Variants in STAT5B observed in about 807,000 individuals in gnomAD.
STAT5B encodes the protein signal transducer and activator of transcription 5B.
Under a neutral mutation model 107.8 loss-of-function variants are expected in STAT5B, and 21 were observed. The observed-to-expected ratio is 0.19, with a 90% CI of 0.14 to 0.28. The LOEUF (loss-of-function observed/expected upper bound fraction) is 0.28, where lower values mean the gene tolerates loss of function less well. STAT5B is among the 10% of genes least tolerant of loss of function. The probability of loss-of-function intolerance (pLI) is 1.00; values close to 1 mark genes in which losing one functional copy is unlikely to be tolerated. For missense variants in STAT5B, 565 were observed against 1,008.2 expected (o/e 0.56, Z 5.95); for synonymous variants, 325 against 401.7 (o/e 0.81, Z 2.28).
intron 15 of STAT5B, among the ~76,000 whole-genome samples, chr17:42,208,493 AAAATAAAT>A (rs777760506): frequency 1.6e-4 from 24 of 151,686 alleles, no homozygotes; most frequent in African/African-American, 4.6e-4. Flanking sequence ...CCCCATCTCA[AAAATAAAT>A]AAATAAATAA....
upstream of STAT5B, among the ~76,000 whole-genome samples, chr17:42,281,518 C>A (rs993322918): frequency 6.6e-6 from 1 of 152,220 alleles, no homozygotes; most frequent in Non-Finnish European, 1.5e-5. Flanking sequence ...CTGTGCCTGG[C>A]ACTTGATAAA....
chr17:42,280,303 GC>G (rs1303781442), upstream of STAT5B, among the ~76,000 whole-genome samples: 1 of 152,044 alleles, frequency 6.6e-6, no homozygotes, highest in Non-Finnish European at 1.5e-5. Context: ...GTCCATGCAT[GC>G]CCCTGCTCCC....
At chr17:42,227,264 G>A (rs952621651) in intron 3 of STAT5B, among the ~76,000 whole-genome samples, 3 of 151,484 alleles carry the variant, frequency 2.0e-5, no homozygotes, top group Non-Finnish European at 4.4e-5. Flanking sequence ...GAGAGACAGC[G>A]AGGAGTATAT....
chr17:42,204,198 T>A (rs2080068486), intron 16 of STAT5B, among the ~76,000 whole-genome samples: 1 of 152,110 alleles, frequency 6.6e-6, no homozygotes, highest in African/African-American at 2.4e-5. Context: ...TCCCACAGAA[T>A]CCCCACTGGG....
chr17:42,202,313 G>A (rs2080051440), intron 18 of STAT5B, 27 bp downstream of exon 18: 5 of 1,613,518 alleles, frequency 3.1e-6, no homozygotes, highest in East Asian at 2.2e-5. Flanking sequence ...TTCCTCCCCT[G>A]TGGACCCCCA....
intron 1 of STAT5B, among the ~76,000 whole-genome samples, chr17:42,245,615 C>T (rs568668102): frequency 2.6e-5 from 4 of 151,996 alleles, no homozygotes; most frequent in Non-Finnish European, 4.4e-5. Flanking sequence ...CTCCGCCCCC[C>T]AGGTTCAAGC....
Position 42,218,863 on chromosome 17 carries a change from G to A in STAT5B, c.849C>T (p.Ala283=), listed in dbSNP as rs771823136. Residue 283 remains alanine (A), a synonymous_variant, in exon 8 of 19, where the codon GCC becomes GCT. Coordinates refer to ENST00000293328, the MANE Select transcript of STAT5B (RefSeq NM_012448.4). ...DVLQSWCEKL[A]EIIWQNRQQI... ...GCTGCCGGTTCTGCCAGATGATCTC[G>A]GCCAACTTCTCACACCTGCACGAGA... is the stretch of plus-strand genomic sequence containing the variant. 44 of 1,613,720 alleles carry A rather than the reference G, an allele frequency of 2.7e-5. No homozygotes were observed. The highest frequency in any genetic ancestry group is 2.3e-4 in the African/African-American group (17 of 74,982).
intron 1 of STAT5B, among the ~76,000 whole-genome samples, chr17:42,274,281 CAAAAAAAAAAAAAA>C (rs534342062): frequency 8.0e-5 from 5 of 62,530 alleles, no homozygotes; most frequent in African/African-American, 2.6e-4. Flanking sequence ...GTTTGCTTTA[CAAAAAAAAAAAAAA>C]AAAAAAAAAA....
At chr17:42,241,109 C>T (rs550371170) in intron 1 of STAT5B, among the ~76,000 whole-genome samples, 1 of 151,718 alleles carries the variant, frequency 6.6e-6, no homozygotes, top group South Asian at 2.1e-4. Context: ...GAGGCAGAGG[C>T]GGGCAGATCA....
intron 1 of STAT5B, among the ~76,000 whole-genome samples, chr17:42,273,920 A>G (rs768923826): frequency 1.3e-5 from 2 of 152,194 alleles, no homozygotes; most frequent in Non-Finnish European, 2.9e-5. Context: ...TACATATGTA[A>G]ATGACATAAA....
intron 5 of STAT5B, among the ~76,000 whole-genome samples, chr17:42,221,820 G>C (rs2080228507): frequency 6.6e-6 from 1 of 152,190 alleles, no homozygotes; most frequent in African/African-American, 2.4e-5. Flanking sequence ...TTCCAGTGGA[G>C]AAGATAAAGA....
At chr17:42,217,906 A>G in intron 9 of STAT5B, 1 of 566,614 alleles carries the variant, frequency 1.8e-6, no homozygotes, top group Middle Eastern at 5.1e-4. Flanking sequence ...GGGTTTCACC[A>G]TGTTGGCCAG....
At chr17:42,269,014 T>C (rs1326418045) in intron 1 of STAT5B, among the ~76,000 whole-genome samples, 1 of 152,182 alleles carries the variant, frequency 6.6e-6, no homozygotes, top group Non-Finnish European at 1.5e-5. Flanking sequence ...GTTAGATTTT[T>C]TAAAATCCCA....
chr17:42,241,955 T>C (rs139369258), intron 1 of STAT5B, among the ~76,000 whole-genome samples: 9 of 152,146 alleles, frequency 5.9e-5, no homozygotes, highest in African/African-American at 2.2e-4. Context: ...AAAATCACAT[T>C]ATTAAACAGA....
At position 42,245,073 on chromosome 17, in the gene STAT5B, A is replaced by AT. The variant is rs745914040; in HGVS notation, c.-10-12937dup. Among the ~76,000 whole-genome samples, 698 of 105,458 alleles carry AT rather than the reference A, an allele frequency of 6.6e-3. 16 individuals are homozygous for AT. Among genetic ancestry groups the AT allele is most frequent in the African/African-American group, 0.016 (383 of 24,630 alleles). The allele number at this position is 105,458 out of a possible 152,430, so 69.2% of individuals were successfully genotyped here. On this transcript the variant is annotated intron_variant, in intron 1 of 18. Transcript: ENST00000293328. ...GGCATCTGCCACCAATGCCTGGCTA[A>AT]TTTTTTTTTTTTTTTTTTTTTTGAG... is the stretch of plus-strand genomic sequence containing the variant.
chr17:42,221,447 G>T (rs1375645231), intron 5 of STAT5B, among the ~76,000 whole-genome samples: 2 of 152,220 alleles, frequency 1.3e-5, no homozygotes, highest in African/African-American at 4.8e-5. Flanking sequence ...TCAATAGTCT[G>T]TGTTTCTGCT....
intron 1 of STAT5B, among the ~76,000 whole-genome samples, chr17:42,242,958 ATCTCAAGTAC>A (rs1413482709): frequency 1.3e-5 from 2 of 151,004 alleles, no homozygotes; most frequent in Non-Finnish European, 2.9e-5. Flanking sequence ...CCACTCCCTA[ATCTCAAGTAC>A]CCAGGGACAC....
chr17:42,262,986 A>ATATATG (rs2080628149), intron 1 of STAT5B, among the ~76,000 whole-genome samples: 1 of 42,400 alleles, frequency 2.4e-5, no homozygotes, highest in African/African-American at 1.3e-4. Flanking sequence ...ATATATATAT[A>ATATATG]TATATATATA....
At chr17:42,211,461 G>A (rs1331961279) in intron 13 of STAT5B, among the ~76,000 whole-genome samples, 3 of 152,016 alleles carry the variant, frequency 2.0e-5, no homozygotes, top group Non-Finnish European at 4.4e-5. Context: ...AGCCAAGATC[G>A]TGCCATTGCA....
Sources: gnomAD v4.1 joint callset for allele counts (sites outside exome capture counted in the v4.1 genomes callset) on GRCh38, gnomAD v4.1.1 for gene constraint, MANE v1.5 for transcripts, NCBI Gene and HGNC (gene_info 2026-07-23, HGNC 2026-07-21) for gene names.